Variants in RGS6 observed in about 807,000 individuals in gnomAD.
RGS6 encodes regulator of G protein signaling 6, also known as regulator of G-protein signaling 6.
Under a neutral mutation model 78.5 loss-of-function variants are expected in RGS6, and 30 were observed. The observed-to-expected ratio is 0.38, with a 90% CI of 0.29 to 0.52. The LOEUF (loss-of-function observed/expected upper bound fraction) is 0.52. RGS6 is among the 20% of genes least tolerant of loss of function. The pLI is 0.85. For synonymous variants in RGS6, 206 were observed against 206.0 expected (o/e 1.00, Z 0.00); for missense variants, 495 against 609.7 (o/e 0.81, Z 1.98).
At chr14:72,282,220 T>C (rs1174150921) in intron 2 of RGS6, among the ~76,000 whole-genome samples, 1 of 152,164 alleles carries the variant, frequency 6.6e-6, no homozygotes, top group East Asian at 1.9e-4. Context: ...GGCTGTTTGG[T>C]CCTGCGAGTC....
At chr14:72,252,213 G>T (rs756553122) in intron 2 of RGS6, among the ~76,000 whole-genome samples, 2 of 151,462 alleles carry the variant, frequency 1.3e-5, no homozygotes, top group African/African-American at 2.4e-5. Flanking sequence ...GCGTATGCCC[G>T]CCATTCTTTG....
intron 2 of RGS6, among the ~76,000 whole-genome samples, chr14:72,025,755 G>A (rs2089715922): frequency 6.6e-6 from 1 of 152,242 alleles, no homozygotes; most frequent in Admixed American, 6.5e-5. Context: ...GAGGAGCCTT[G>A]AGTGGTAGAT....
At chr14:72,566,665 ACACAC>A (rs1381990309), downstream of RGS6, 1 of 140,424 alleles carries the variant, frequency 7.1e-6, no homozygotes, top group Non-Finnish European at 1.5e-5. Flanking sequence ...ACACACACAC[ACACAC>A]ACACACACAC....
At chr14:71,990,759 C>T (rs576528414) in intron 2 of RGS6, 2 of 455,926 alleles carry the variant, frequency 4.4e-6, no homozygotes, top group Non-Finnish European at 8.8e-6. Flanking sequence ...TATCCTCTCT[C>T]CAAACTCCAA....
chr14:72,472,752 A>C, intron 8 of RGS6, 120 bp from the exon 9 acceptor site: 2 of 686,232 alleles, frequency 2.9e-6, no homozygotes, highest in Non-Finnish European at 2.6e-6. Flanking sequence ...GGCACCATGC[A>C]GGTACCAATG....
At chr14:72,474,317 AAC>A (rs1375366284) in intron 9 of RGS6, among the ~76,000 whole-genome samples, 1 of 152,238 alleles carries the variant, frequency 6.6e-6, no homozygotes. Context: ...GTCTTTTTCA[AAC>A]GGTTAAGTAT....
At chr14:72,040,169 A>C (rs2092260382) in intron 2 of RGS6, among the ~76,000 whole-genome samples, 1 of 151,990 alleles carries the variant, frequency 6.6e-6, no homozygotes, top group African/African-American at 2.4e-5. Context: ...ATGACATACA[A>C]CCTACCAGTA....
chr14:72,479,941 TGG>T (rs1381787370), intron 12 of RGS6, among the ~76,000 whole-genome samples: 14 of 152,242 alleles, frequency 9.2e-5, no homozygotes, highest in Non-Finnish European at 1.8e-4. Context: ...CCTTGGAAGG[TGG>T]AAGAGCTCTT....
chr14:72,200,866 C>T (rs1475991757), intron 2 of RGS6, among the ~76,000 whole-genome samples: 2 of 147,214 alleles, frequency 1.4e-5, no homozygotes, highest in African/African-American at 5.1e-5. Context: ...TTTCTACTTA[C>T]ACGTGCCTAG....
intron 13 of RGS6, among the ~76,000 whole-genome samples, chr14:72,498,543 T>C (rs1418545746): frequency 6.6e-6 from 1 of 152,148 alleles, no homozygotes; most frequent in Admixed American, 6.5e-5. Flanking sequence ...TTGAACATTG[T>C]TTTTTAATCT....
At position 72,518,487 on chromosome 14, in the gene RGS6, A is replaced by G; in HGVS notation, c.1228A>G (p.Thr410Ala). ...CCTGGATTCTCACAGCTATGAGATA[A>G]CCAGTCAAAATGTCAAAGATGGAGG... ...INLDSHSYEI[T>A]SQNVKDGGRY... Residue 410 changes from threonine to alanine, a missense_variant, in exon 15 of 18, where the codon ACC (threonine) becomes GCC (alanine). Thr to Ala is a moderately conservative substitution (Grantham distance 58, BLOSUM62 0). Coordinates refer to ENST00000553525, the MANE Select transcript of RGS6 (RefSeq NM_001204424.2). 3 of 1,614,232 alleles carry G rather than the reference A, an allele frequency of 1.9e-6. No homozygotes were observed. Among genetic ancestry groups the G allele is most frequent in the Non-Finnish European group, 2.5e-6 (3 of 1,180,032 alleles).
the RGS6 span, among the ~76,000 whole-genome samples, chr14:71,894,453 G>A: frequency 0.057 from 8,645 of 152,280 alleles, 348 homozygotes; most frequent in Non-Finnish European, 0.084. Flanking sequence ...TACAAGGATT[G>A]CACCGAGGGT....
At chr14:72,267,486 C>A (rs2059258214) in intron 2 of RGS6, among the ~76,000 whole-genome samples, 1 of 152,182 alleles carries the variant, frequency 6.6e-6, no homozygotes, top group South Asian at 2.1e-4. Flanking sequence ...TACTTGCTAT[C>A]TTGCTCTTTA....
At chr14:72,559,727 G>A (rs2097645038) in intron 17 of RGS6, among the ~76,000 whole-genome samples, 1 of 152,216 alleles carries the variant, frequency 6.6e-6, no homozygotes, top group South Asian at 2.1e-4. Context: ...AGCAGTCGGG[G>A]GAAGCGAGGA....
intron 17 of RGS6, among the ~76,000 whole-genome samples, chr14:72,551,355 G>A (rs535048463): frequency 6.6e-6 from 1 of 152,266 alleles, no homozygotes; most frequent in South Asian, 2.1e-4. Flanking sequence ...CTGATTGGCT[G>A]CTCGTGGCTG....
At chr14:72,395,630 C>A (rs2091049328) in intron 3 of RGS6, among the ~76,000 whole-genome samples, 1 of 151,930 alleles carries the variant, frequency 6.6e-6, no homozygotes, top group East Asian at 1.9e-4. Flanking sequence ...TGTGCTGCAC[C>A]CATTAACTCG....
At chr14:72,371,931 C>A (rs1052567525) in intron 3 of RGS6, among the ~76,000 whole-genome samples, 6 of 152,184 alleles carry the variant, frequency 3.9e-5, no homozygotes, top group African/African-American at 1.4e-4. Context: ...CTATGGATTT[C>A]ACTGTATCAT....
chr14:72,098,586 T>C (rs1234353145), intron 2 of RGS6, among the ~76,000 whole-genome samples: 2 of 152,200 alleles, frequency 1.3e-5, no homozygotes, highest in Non-Finnish European at 2.9e-5. Flanking sequence ...CACAGGATTT[T>C]TGGAGATAAT....
chr14:72,159,940 A>G (rs1487902334), intron 2 of RGS6, among the ~76,000 whole-genome samples: 1 of 152,238 alleles, frequency 6.6e-6, no homozygotes, highest in East Asian at 1.9e-4. Context: ...TATAATTTCA[A>G]GATTTTAAGT....
Sources: allele counts gnomAD v4.1 joint callset (sites outside exome capture counted in the v4.1 genomes callset), GRCh38; gene constraint gnomAD v4.1.1; transcripts MANE v1.5; gene names NCBI Gene and HGNC (gene_info 2026-07-23, HGNC 2026-07-21).